NSUN7: variants seen among roughly 807,000 people sequenced by gnomAD.
NSUN7 encodes NOP2/Sun RNA methyltransferase family member 7.
Under a neutral mutation model 58.5 loss-of-function variants are expected in NSUN7, and 39 were observed. The ratio of observed to expected loss-of-function variants is 0.67; its 90% CI spans 0.52 to 0.87. NSUN7 has a LOEUF of 0.87. Among genes scored for constraint, NSUN7 ranks in the 40% least tolerant of loss-of-function variants. NSUN7 has a pLI of 0.00. For missense variants in NSUN7, 765 were observed against 844.1 expected (o/e 0.91, Z 1.16); for synonymous variants, 278 against 303.7 (o/e 0.92, Z 0.88).
intron 7 of NSUN7, among the ~76,000 whole-genome samples, chr4:40,780,692 A>G (rs1031091562): frequency 1.4e-4 from 21 of 151,402 alleles, no homozygotes; most frequent in African/African-American, 4.8e-4. Flanking sequence ...ACCAAATAAC[A>G]TATATTTAAG....
chr4:40,786,732 T>A (rs1742842024), intron 7 of NSUN7: 1 of 1,538,226 alleles, frequency 6.5e-7, no homozygotes, highest in African/African-American at 1.4e-5. Flanking sequence ...ACCTATTATA[T>A]CTGTGTGGAG....
chr4:40,787,294 C>T (rs568343578), intron 7 of NSUN7, among the ~76,000 whole-genome samples: 47 of 149,880 alleles, frequency 3.1e-4, no homozygotes, highest in Admixed American at 1.3e-3. Context: ...TCCCCCTCTC[C>T]GAGAAACACC....
intron 4 of NSUN7, among the ~76,000 whole-genome samples, chr4:40,761,661 A>G (rs183746726): frequency 6.6e-6 from 1 of 152,330 alleles, no homozygotes; most frequent in Non-Finnish European, 1.5e-5. Context: ...ACATGAATCA[A>G]ATGAGAAAAT....
chr4:40,757,693 G>GTA (rs777236048), intron 2 of NSUN7, among the ~76,000 whole-genome samples: 73 of 134,984 alleles, frequency 5.4e-4, no homozygotes, highest in East Asian at 1.3e-3. Context: ...TACACACTGT[G>GTA]TATATATATA....
chr4:40,790,503 T>C (rs1743029722), intron 7 of NSUN7, 99 bp from the exon 8 acceptor site: 2 of 734,564 alleles, frequency 2.7e-6, no homozygotes. Context: ...TTTTGTGAGG[T>C]TGAGGATTTT....
chr4:40,779,073 A>T (rs569707184), intron 7 of NSUN7, among the ~76,000 whole-genome samples: 2 of 152,136 alleles, frequency 1.3e-5, no homozygotes, highest in Non-Finnish European at 2.9e-5. Context: ...CATGCTGGTA[A>T]TCCCAGTGCT....
At chr4:40,781,267 CT>C (rs1192697420) in intron 7 of NSUN7, among the ~76,000 whole-genome samples, 6 of 151,910 alleles carry the variant, frequency 3.9e-5, no homozygotes, top group Non-Finnish European at 8.8e-5. Flanking sequence ...CCAGACTGGT[CT>C]CGAACTCCTG....
At chr4:40,781,727 TA>T (rs996888912) in intron 7 of NSUN7, among the ~76,000 whole-genome samples, 6 of 152,228 alleles carry the variant, frequency 3.9e-5, no homozygotes, top group African/African-American at 1.4e-4. Context: ...ATTACAGGCA[TA>T]AGCCACTGTG....
rs560804124 is a variant in NSUN7, at chr4:40,791,312, T to C, written c.1180+567T>C. On this transcript the variant is annotated intron_variant, in intron 8 of 11. Coordinates refer to ENST00000381782, the MANE Select transcript of NSUN7 (RefSeq NM_024677.6). Reference sequence around the variant, plus strand: ...TTAATTTTATTGGCTTTTAAATACATTTAAAATAATAATTATTTAACATTA... The same window carrying C: ...TTAATTTTATTGGCTTTTAAATACACTTAAAATAATAATTATTTAACATTA... 2.6e-5 allele frequency among the ~76,000 whole-genome samples: 4 copies of C among 152,328 alleles called. No homozygotes were observed. The South Asian group carries it at 8.3e-4, about 32-fold the overall frequency.
At chr4:40,774,512 A>T in intron 5 of NSUN7, 95 bp downstream of exon 5, 4 of 1,238,120 alleles carry the variant, frequency 3.2e-6, no homozygotes, top group Non-Finnish European at 4.6e-6. Context: ...TGGGGGTGGC[A>T]CATCTAGGGG....
At chr4:40,755,239 G>A (rs1282434024) in intron 2 of NSUN7, among the ~76,000 whole-genome samples, 2 of 152,128 alleles carry the variant, frequency 1.3e-5, no homozygotes, top group Non-Finnish European at 2.9e-5. Flanking sequence ...ACAGGCACAT[G>A]CCATCACGCC....
At chr4:40,787,029 A>G (rs1425596234) in intron 7 of NSUN7, among the ~76,000 whole-genome samples, 1 of 143,518 alleles carries the variant, frequency 7.0e-6, no homozygotes, top group Non-Finnish European at 1.6e-5. Context: ...ATAAAACTTT[A>G]AAGAGTGAAA....
intron 4 of NSUN7, among the ~76,000 whole-genome samples, chr4:40,769,883 C>G (rs1242450391): frequency 6.6e-6 from 1 of 152,154 alleles, no homozygotes; most frequent in Non-Finnish European, 1.5e-5. Flanking sequence ...GAAATTCAAG[C>G]AGTTCATTGA....
intron 7 of NSUN7, among the ~76,000 whole-genome samples, chr4:40,788,614 C>T (rs953499418): frequency 2.6e-5 from 4 of 152,170 alleles, no homozygotes; most frequent in Non-Finnish European, 4.4e-5. Flanking sequence ...TGCCGAGAGA[C>T]TTTGTAAGAC....
intron 2 of NSUN7, among the ~76,000 whole-genome samples, chr4:40,752,305 G>A (rs540408834): frequency 7.2e-5 from 11 of 152,164 alleles, no homozygotes; most frequent in Non-Finnish European, 1.5e-4. Flanking sequence ...AGCCAGATGC[G>A]GTGGCTTACA....
intron 2 of NSUN7, among the ~76,000 whole-genome samples, chr4:40,757,336 G>A (rs1741191100): frequency 6.6e-6 from 1 of 152,000 alleles, no homozygotes; most frequent in Admixed American, 6.6e-5. Flanking sequence ...ACAGGCTTAT[G>A]TAAGTGTTCC....
intron 4 of NSUN7, among the ~76,000 whole-genome samples, chr4:40,764,073 A>T (rs553101086): frequency 3.9e-4 from 59 of 151,242 alleles, no homozygotes; most frequent in African/African-American, 6.3e-4. Flanking sequence ...TTAATTTTTT[A>T]ATTTTTTTAT....
At chr4:40,804,226 G>A (rs1577588296) in intron 10 of NSUN7, among the ~76,000 whole-genome samples, 1 of 151,958 alleles carries the variant, frequency 6.6e-6, no homozygotes, top group East Asian at 1.9e-4. Flanking sequence ...GATCACCTAA[G>A]GTCAGGAGTT....
At chr4:40,752,881 C>T (rs1410670312) in intron 2 of NSUN7, among the ~76,000 whole-genome samples, 1 of 10,050 alleles carries the variant, frequency 1.0e-4, no homozygotes, top group Non-Finnish European at 2.0e-4. Context: ...CCTTTTAAGT[C>T]CGTCTTAACC....
Sources: allele counts gnomAD v4.1 joint callset (sites outside exome capture counted in the v4.1 genomes callset), GRCh38; gene constraint gnomAD v4.1.1; transcripts MANE v1.5; gene names NCBI Gene and HGNC (gene_info 2026-07-23, HGNC 2026-07-21).